Variants in CLIC5 observed in about 807,000 individuals in gnomAD.
CLIC5 encodes CLIC family member 5.
Under a neutral mutation model 24.7 loss-of-function variants are expected in CLIC5, and 20 were observed. The observed-to-expected ratio is 0.81, with a 90% confidence interval of 0.57 to 1.18. The LOEUF is 1.18. Ranked by LOEUF, CLIC5 falls within the 50% of genes most tolerant of loss-of-function variation. The pLI is 0.00. For synonymous variants in CLIC5, 159 were observed against 135.6 expected (o/e 1.17, Z -1.20); for missense variants, 341 against 326.1 (o/e 1.05, Z -0.35).
chr6:45,906,088 G>C (rs1762652464), intron 5 of CLIC5, among the ~76,000 whole-genome samples: 2 of 152,144 alleles, frequency 1.3e-5, no homozygotes, highest in Non-Finnish European at 1.5e-5. Flanking sequence ...TTTTGTACAA[G>C]TACCATGTTG....
rs1766976804 is a variant in CLIC5 at position 46,015,643 on chromosome 6, T to C, written c.-101A>G. Reference sequence around the variant, plus strand: ...TCCTGCCGCTGCCCAGCGGGGCTCCTCTTCAGGGCGGTGTTTAATTTTTCA... The same window carrying C: ...TCCTGCCGCTGCCCAGCGGGGCTCCCCTTCAGGGCGGTGTTTAATTTTTCA... On this transcript the variant is annotated 5_prime_UTR_variant, in exon 1 of 6. Transcript: ENST00000339561. The C allele has an allele frequency of 7.4e-7, 1 of 1,353,614 alleles. No individual in the cohort carries two copies. Among genetic ancestry groups the C allele is most frequent in the Non-Finnish European group, 9.6e-7 (1 of 1,042,728 alleles). 83.9% of individuals were successfully genotyped at this position (1,353,614 alleles called of 1,614,324 possible).
intron 1 of CLIC5, among the ~76,000 whole-genome samples, chr6:46,062,734 AG>A (rs1762321448): frequency 6.6e-6 from 1 of 152,220 alleles, no homozygotes; most frequent in African/African-American, 2.4e-5. Flanking sequence ...GCATTTTCCT[AG>A]GTACGCATCA....
chr6:45,912,673 C>T (rs1762862735), intron 5 of CLIC5: 2 of 1,534,360 alleles, frequency 1.3e-6, no homozygotes, highest in Non-Finnish European at 1.7e-6. Flanking sequence ...CTGATCTTTG[C>T]ATTGTATCAC....
At chr6:46,087,782 AAG>A in the CLIC5 span, among the ~76,000 whole-genome samples, 2 of 152,200 alleles carry the variant, frequency 1.3e-5, no homozygotes, top group Non-Finnish European at 2.9e-5. Context: ...CAAAGAGGGA[AAG>A]AGAGAGTGGG....
At chr6:45,951,719 G>C (rs1294671105) in intron 2 of CLIC5, among the ~76,000 whole-genome samples, 1 of 152,166 alleles carries the variant, frequency 6.6e-6, no homozygotes, top group Non-Finnish European at 1.5e-5. Flanking sequence ...CTCTGAGAAT[G>C]CCACATTTCT....
intron 2 of CLIC5, among the ~76,000 whole-genome samples, chr6:45,953,043 G>C (rs759141367): frequency 6.6e-6 from 1 of 152,076 alleles, no homozygotes; most frequent in African/African-American, 2.4e-5. Flanking sequence ...GGGATTGAAG[G>C]TCTCATTTGA....
chr6:45,935,300 G>A (rs1763889771), intron 4 of CLIC5, among the ~76,000 whole-genome samples: 1 of 152,206 alleles, frequency 6.6e-6, no homozygotes, highest in African/African-American at 2.4e-5. Context: ...GGCGGGGAGG[G>A]GTGTTTCACA....
chr6:46,045,670 T>C (rs1383307872), intron 1 of CLIC5, among the ~76,000 whole-genome samples: 1 of 152,230 alleles, frequency 6.6e-6, no homozygotes, highest in Non-Finnish European at 1.5e-5. Context: ...GAGGAACTTA[T>C]TTAATCATTA....
intron 6 of CLIC5, among the ~76,000 whole-genome samples, chr6:45,888,433 C>A (rs1762323189): frequency 6.6e-6 from 1 of 152,078 alleles, no homozygotes; most frequent in Non-Finnish European, 1.5e-5. Context: ...CAATTAACCA[C>A]CTGGGGAAAA....
At position 45,968,726 on chromosome 6, in the gene CLIC5, G is replaced by A. The variant is rs1016322871; in HGVS notation, c.64-13482C>T. Among the ~76,000 whole-genome samples, 12 of 152,286 alleles carry A rather than the reference G, an allele frequency of 7.9e-5. No homozygotes were observed. In the East Asian group the frequency reaches 1.3e-3, roughly 17 times the overall value. ...ACTATAGGAATGTTTTAGCTTTGCC[G>A]TTAATATGAGTGCTATGAATTTGTA... On this transcript the variant is annotated intron_variant, in intron 1 of 5. Coordinates refer to ENST00000339561, the MANE Select transcript of CLIC5 (RefSeq NM_016929.5).
chr6:46,039,929 C>A (rs181149472), intron 1 of CLIC5, among the ~76,000 whole-genome samples: 6 of 152,324 alleles, frequency 3.9e-5, no homozygotes, highest in East Asian at 1.9e-4. Context: ...TAACTGTAAA[C>A]CCTGGCAATT....
intron 1 of CLIC5, among the ~76,000 whole-genome samples, chr6:46,057,396 G>A (rs188766192): frequency 3.9e-5 from 6 of 152,196 alleles, no homozygotes; most frequent in East Asian, 1.9e-4. Context: ...TCCTCTTGCC[G>A]TGACTCTGAG....
chr6:45,996,156 G>A (rs1280410011), intron 1 of CLIC5, among the ~76,000 whole-genome samples: 1 of 151,518 alleles, frequency 6.6e-6, no homozygotes, highest in Non-Finnish European at 1.5e-5. Context: ...AAGAAATAAT[G>A]ATCTGGGCTC....
intron 3 of CLIC5, among the ~76,000 whole-genome samples, chr6:45,948,575 AT>A (rs552923975): frequency 2.0e-4 from 30 of 152,260 alleles, no homozygotes; most frequent in Admixed American, 1.7e-3. Flanking sequence ...AAAAATTGTG[AT>A]TGTTTTAATC....
chr6:46,043,966 G>T (rs1767886698), intron 1 of CLIC5, among the ~76,000 whole-genome samples: 1 of 152,250 alleles, frequency 6.6e-6, no homozygotes, highest in African/African-American at 2.4e-5. Context: ...CCTCTGCTGT[G>T]TGTTGTGGGG....
At chr6:45,917,566 CT>C (rs1182472255) in intron 4 of CLIC5, among the ~76,000 whole-genome samples, 1 of 152,166 alleles carries the variant, frequency 6.6e-6, no homozygotes, top group Non-Finnish European at 1.5e-5. Context: ...CTTATACTCC[CT>C]TGGGATGCTC....
In CLIC5 at chr6:45,881,143, G is replaced by T. The variant is rs181677104; in HGVS notation, c.669C>A (p.Ser223Arg). Residue 223 changes from serine (S) to arginine (R), a missense_variant, in exon 7 of 7, where the codon AGC becomes AGA. Ser to Arg is a moderately radical substitution (Grantham distance 110). Transcript: ENST00000644324. ...TAGCTTCTCCCCATTTCTTCTGCTTGCTTCTTCCTCTACTCCATGCCCCCT... is the reference window on the plus strand; with the variant it reads ...TAGCTTCTCCCCATTTCTTCTGCTTTCTTCTTCCTCTACTCCATGCCCCCT... 1.9e-3 allele frequency: 755 copies of T among 397,208 alleles called. 2 individuals are homozygous for T. The highest frequency in any genetic ancestry group is 2.8e-3 in the Non-Finnish European group (641 of 225,814). 24.6% of individuals were successfully genotyped at this position (397,208 alleles called of 1,614,324 possible).
chr6:45,932,959 C>T (rs1377767743), intron 4 of CLIC5, among the ~76,000 whole-genome samples: 1 of 152,210 alleles, frequency 6.6e-6, no homozygotes, highest in South Asian at 2.1e-4. Context: ...TGTCCTCCTT[C>T]AATCACGTTC....
At chr6:45,956,470 GTTTTT>G (rs35101536) in intron 1 of CLIC5, among the ~76,000 whole-genome samples, 2 of 135,440 alleles carry the variant, frequency 1.5e-5, no homozygotes, top group Admixed American at 7.4e-5. Context: ...GGCTTACTGA[GTTTTT>G]TTTTTTTTTT....
Sources: gnomAD v4.1 joint callset for allele counts (sites outside exome capture counted in the v4.1 genomes callset) on GRCh38, gnomAD v4.1.1 for gene constraint, MANE v1.5 for transcripts, NCBI Gene and HGNC (gene_info 2026-07-23, HGNC 2026-07-21) for gene names.